Variants in STARD13 observed in about 807,000 individuals in gnomAD.
The protein encoded by STARD13 is StAR related lipid transfer domain containing 13.
In STARD13, 62 loss-of-function variants were observed where a neutral mutation model predicts 106.4. The observed-to-expected ratio is 0.58, with a 90% CI of 0.48 to 0.72. STARD13 has a LOEUF of 0.72. Ranked by LOEUF, STARD13 falls within the 30% of genes least tolerant of loss-of-function variation. STARD13 has a pLI of 0.00. For synonymous variants in STARD13, 565 were observed against 553.0 expected, an observed-to-expected ratio of 1.02 and a Z score of -0.31; for missense variants, 1,387 against 1,424.0, an observed-to-expected ratio of 0.97 and a Z score of 0.42.
the STARD13 span, among the ~76,000 whole-genome samples, chr13:33,513,963 G>GA: frequency 2.6e-5 from 4 of 152,122 alleles, no homozygotes; most frequent in Non-Finnish European, 5.9e-5. Context: ...TAGATTGAGA[G>GA]AAAAATATTT....
At chr13:33,258,229 T>G (rs1386168489) in intron 1 of STARD13, among the ~76,000 whole-genome samples, 2 of 152,230 alleles carry the variant, frequency 1.3e-5, no homozygotes, top group Non-Finnish European at 2.9e-5. Flanking sequence ...GGGGGTCATC[T>G]TTTATCTGGC....
the STARD13 span, among the ~76,000 whole-genome samples, chr13:33,545,967 C>A: frequency 6.6e-6 from 1 of 152,156 alleles, no homozygotes; most frequent in African/African-American, 2.4e-5. Context: ...TGGACTAAGA[C>A]AGTTGTTAAA....
intron 1 of STARD13, among the ~76,000 whole-genome samples, chr13:33,258,992 T>C (rs769337071): frequency 3.9e-5 from 6 of 152,196 alleles, no homozygotes; most frequent in African/African-American, 9.7e-5. Context: ...AACAGGAACA[T>C]TGCCTAATCT....
chr13:33,641,872 G>A, the STARD13 span, among the ~76,000 whole-genome samples: 1 of 152,132 alleles, frequency 6.6e-6, no homozygotes, highest in East Asian at 1.9e-4. Flanking sequence ...GAATAGAAAT[G>A]AACAGGATTG....
At chr13:33,529,128 T>C in the STARD13 span, among the ~76,000 whole-genome samples, 4 of 152,142 alleles carry the variant, frequency 2.6e-5, no homozygotes, top group Non-Finnish European at 4.4e-5. Context: ...CTATGCTCTT[T>C]CTGATGGATT....
chr13:33,332,235 G>A (rs181420103), intron 1 of STARD13, among the ~76,000 whole-genome samples: 5 of 152,142 alleles, frequency 3.3e-5, no homozygotes, highest in South Asian at 2.1e-4. Context: ...ACTCATTCCC[G>A]TCCTTTTCCT....
At position 33,103,756 on chromosome 13, in the gene STARD13, C is replaced by G. The variant is rs1053605736; in HGVS notation, c.*1837G>C. The G allele has an allele frequency of 3.3e-5, 5 of 152,300 alleles. No individual in the cohort carries two copies. Among genetic ancestry groups the G allele is most frequent in the African/African-American group, 1.2e-4 (5 of 41,450 alleles). The allele number at this position is 152,300 out of a possible 1,614,324, so 9.4% of individuals were successfully genotyped here. On this transcript the variant is annotated 3_prime_UTR_variant, in exon 14 of 14. Transcript: ENST00000336934. ...AACACATAGGATCCCATCTCAGGAG[C>G]AGGACCAGTGTTTAGCTAGATTAAA... is the stretch of plus-strand genomic sequence containing the variant.
At chr13:33,292,633 T>C (rs1176858515) in intron 1 of STARD13, among the ~76,000 whole-genome samples, 2 of 151,762 alleles carry the variant, frequency 1.3e-5, no homozygotes, top group African/African-American at 4.8e-5. Context: ...TCAAAAATAT[T>C]GGATATGGTA....
At chr13:33,364,888 C>CA in the STARD13 span, among the ~76,000 whole-genome samples, 24,576 of 149,816 alleles carry the variant, frequency 0.16, 2,108 homozygotes, top group Middle Eastern at 0.23. Flanking sequence ...GACTCCGTCT[C>CA]AAAAAAAAAG....
the STARD13 span, among the ~76,000 whole-genome samples, chr13:33,589,007 T>C: frequency 6.6e-6 from 1 of 152,328 alleles, no homozygotes. Context: ...CCATCCTCTT[T>C]GCTTACTATT....
At chr13:33,188,021 C>T (rs374289396) in intron 1 of STARD13, 17 of 152,308 alleles carry the variant, frequency 1.1e-4, no homozygotes, top group African/African-American at 3.6e-4. Context: ...GTGGCAAAAC[C>T]CGGCTGACTA....
the STARD13 span, among the ~76,000 whole-genome samples, chr13:33,360,678 G>A: frequency 7.6e-6 from 1 of 132,258 alleles, no homozygotes; most frequent in East Asian, 2.5e-4. Context: ...GTAGACAGAA[G>A]GAATCCTTCT....
the STARD13 span, among the ~76,000 whole-genome samples, chr13:33,518,483 T>G: frequency 6.6e-6 from 1 of 152,068 alleles, no homozygotes. Context: ...CTCTCAAGTT[T>G]TCTCCAGCAA....
chr13:33,661,563 G>C, the STARD13 span, among the ~76,000 whole-genome samples: 1 of 152,180 alleles, frequency 6.6e-6, no homozygotes, highest in African/African-American at 2.4e-5. Flanking sequence ...GGCCGGGGAG[G>C]CCTCAGGAAA....
At chr13:33,188,967 G>T (rs1181721056) in intron 1 of STARD13, among the ~76,000 whole-genome samples, 1 of 152,152 alleles carries the variant, frequency 6.6e-6, no homozygotes, top group Non-Finnish European at 1.5e-5. Context: ...GTGACATTTG[G>T]TGTTTCCTTT....
chr13:33,566,348 C>T, the STARD13 span, among the ~76,000 whole-genome samples: 1 of 147,924 alleles, frequency 6.8e-6, no homozygotes, highest in African/African-American at 2.5e-5. Flanking sequence ...GTACTATCTG[C>T]GGTTTCAGGC....
At chr13:33,198,896 C>T (rs1490228975) in intron 1 of STARD13, among the ~76,000 whole-genome samples, 1 of 152,230 alleles carries the variant, frequency 6.6e-6, no homozygotes, top group East Asian at 1.9e-4. Context: ...CATAATTTGT[C>T]AGTAACTACA....
At chr13:33,214,976 G>C (rs1282581504) in intron 1 of STARD13, among the ~76,000 whole-genome samples, 12 of 152,172 alleles carry the variant, frequency 7.9e-5, no homozygotes. Context: ...AAGTCCTTTG[G>C]AAGCATTAGG....
the STARD13 span, among the ~76,000 whole-genome samples, chr13:33,454,528 CAAA>C: frequency 6.6e-6 from 1 of 152,038 alleles, no homozygotes; most frequent in Non-Finnish European, 1.5e-5. Flanking sequence ...AAAATTGAGG[CAAA>C]AAAAGATTTA....
Sources: allele counts gnomAD v4.1 joint callset (sites outside exome capture counted in the v4.1 genomes callset), GRCh38; gene constraint gnomAD v4.1.1; transcripts MANE v1.5; gene names NCBI Gene and HGNC (gene_info 2026-07-23, HGNC 2026-07-21).